Variants in KCNAB1 observed in about 807,000 individuals in gnomAD.
KCNAB1 encodes potassium voltage-gated channel subfamily A regulatory beta subunit 1.
Under a neutral mutation model 64.6 loss-of-function variants are expected in KCNAB1, and 35 were observed. The observed-to-expected ratio is 0.54, with a 90% CI of 0.41 to 0.72. The LOEUF (loss-of-function observed/expected upper bound fraction) is 0.72, where lower values mean the gene tolerates loss of function less well. KCNAB1 is among the 30% of genes least tolerant of loss of function. The pLI, the probability that KCNAB1 is intolerant of heterozygous loss-of-function variation, is 0.00. For synonymous variants in KCNAB1, 177 were observed against 183.8 expected (o/e 0.96, Z 0.30); for missense variants, 401 against 512.9 (o/e 0.78, Z 2.11).
At chr3:156,533,092 A>G (rs1718814455) in intron 13 of KCNAB1, among the ~76,000 whole-genome samples, 2 of 152,230 alleles carry the variant, frequency 1.3e-5, no homozygotes, top group African/African-American at 4.8e-5. Context: ...GAAGAAAAAC[A>G]CTGTCTAACC....
intron 8 of KCNAB1, among the ~76,000 whole-genome samples, chr3:156,503,504 A>G (rs1052094018): frequency 6.6e-6 from 1 of 152,188 alleles, no homozygotes; most frequent in African/African-American, 2.4e-5. Context: ...CCTTGTAGGG[A>G]GAGTTGTACA....
chr3:156,238,673 C>T (rs1716996165), intron 1 of KCNAB1, among the ~76,000 whole-genome samples: 1 of 152,020 alleles, frequency 6.6e-6, no homozygotes, highest in Non-Finnish European at 1.5e-5. Context: ...TTTGTAATTT[C>T]TTACCAGTTT....
intron 1 of KCNAB1, among the ~76,000 whole-genome samples, chr3:156,128,156 T>G (rs556076260): frequency 4.5e-4 from 68 of 152,350 alleles, no homozygotes; most frequent in African/African-American, 1.6e-3. Flanking sequence ...AATCCCATTT[T>G]GCAGTATGGT....
chr3:156,135,038 C>A (rs367569434), intron 1 of KCNAB1, among the ~76,000 whole-genome samples: 1 of 151,726 alleles, frequency 6.6e-6, no homozygotes, highest in African/African-American at 2.4e-5. Context: ...ACTCTGCTGC[C>A]CAGGCTGGAG....
At chr3:156,269,007 C>G (rs569211671) in intron 1 of KCNAB1, among the ~76,000 whole-genome samples, 7 of 152,256 alleles carry the variant, frequency 4.6e-5, no homozygotes, top group African/African-American at 1.7e-4. Context: ...AGATTTAAGT[C>G]TTTAATCCAT....
chr3:156,290,407 C>T (rs1020460550), intron 1 of KCNAB1, among the ~76,000 whole-genome samples: 1 of 152,172 alleles, frequency 6.6e-6, no homozygotes, highest in African/African-American at 2.4e-5. Flanking sequence ...GCTGATTTTG[C>T]AGAAGCCATA....
chr3:156,152,890 C>T (rs181389324), intron 1 of KCNAB1, among the ~76,000 whole-genome samples: 2 of 152,328 alleles, frequency 1.3e-5, no homozygotes, highest in Admixed American at 1.3e-4. Context: ...GGTTAACTCT[C>T]GTTGTAACTT....
intron 1 of KCNAB1, among the ~76,000 whole-genome samples, chr3:156,216,686 C>A (rs984876054): frequency 2.0e-5 from 3 of 152,216 alleles, no homozygotes; most frequent in African/African-American, 7.2e-5. Context: ...GTAGTCCCTA[C>A]TTAGTGCCAG....
intron 1 of KCNAB1, among the ~76,000 whole-genome samples, chr3:156,284,839 C>T (rs138232963): frequency 0.034 from 5,162 of 152,296 alleles, 126 homozygotes; most frequent in Non-Finnish European, 0.048. Context: ...GCACGATGCG[C>T]GCACCCACTG....
intron 6 of KCNAB1, among the ~76,000 whole-genome samples, chr3:156,465,128 C>G (rs879061980): frequency 6.6e-6 from 1 of 152,140 alleles, no homozygotes; most frequent in Admixed American, 6.5e-5. Context: ...GATTAAGGGT[C>G]TGTCTTCTGG....
chr3:156,130,965 C>A (rs746919373), intron 1 of KCNAB1, among the ~76,000 whole-genome samples: 3 of 152,244 alleles, frequency 2.0e-5, no homozygotes, highest in Admixed American at 6.5e-5. Flanking sequence ...TGTGTAAGTG[C>A]AGAGGCCTGA....
At chr3:156,472,927 G>A (rs1714037671) in intron 7 of KCNAB1, among the ~76,000 whole-genome samples, 1 of 152,164 alleles carries the variant, frequency 6.6e-6, no homozygotes. Flanking sequence ...ATCACACAGT[G>A]CTGTAACAGT....
At chr3:156,278,757 C>G (rs1576670669) in intron 1 of KCNAB1, among the ~76,000 whole-genome samples, 1 of 151,914 alleles carries the variant, frequency 6.6e-6, no homozygotes, top group African/African-American at 2.4e-5. Context: ...TCAAAACTCG[C>G]AGAGTCGGTG....
At chr3:156,428,128 G>A (rs563030273) in intron 2 of KCNAB1, among the ~76,000 whole-genome samples, 5 of 152,274 alleles carry the variant, frequency 3.3e-5, no homozygotes, top group African/African-American at 9.6e-5. Flanking sequence ...TATTTTGGGT[G>A]CACCTACGAG....
At chr3:156,450,551 C>T (rs1038939542) in intron 2 of KCNAB1, among the ~76,000 whole-genome samples, 15 of 152,318 alleles carry the variant, frequency 9.8e-5, no homozygotes, top group African/African-American at 3.6e-4. Flanking sequence ...CTAACATTTA[C>T]AAATGCCTGT....
At chr3:156,246,524 A>T (rs1323827424) in intron 1 of KCNAB1, among the ~76,000 whole-genome samples, 1 of 150,942 alleles carries the variant, frequency 6.6e-6, no homozygotes, top group Non-Finnish European at 1.5e-5. Flanking sequence ...AATAGCTTGA[A>T]CCCGAGAGGC....
chr3:156,360,222 G>A (rs1370755466), intron 1 of KCNAB1, among the ~76,000 whole-genome samples: 5 of 152,262 alleles, frequency 3.3e-5, no homozygotes, highest in East Asian at 3.9e-4. Context: ...TCGAGCCTGA[G>A]TTTCTCCCAG....
intron 1 of KCNAB1, among the ~76,000 whole-genome samples, chr3:156,410,377 G>T (rs1714565951): frequency 2.6e-5 from 4 of 152,138 alleles, no homozygotes; most frequent in Non-Finnish European, 5.9e-5. Flanking sequence ...TATTTGTCAG[G>T]TCCTTTGCCC....
chr3:156,238,508 T>C (rs1716988799), intron 1 of KCNAB1, among the ~76,000 whole-genome samples: 1 of 148,704 alleles, frequency 6.7e-6, no homozygotes. Flanking sequence ...AAATGGCAAA[T>C]AGCAAAACCT....
Sources: gnomAD v4.1 joint callset for allele counts (sites outside exome capture counted in the v4.1 genomes callset) on GRCh38, gnomAD v4.1.1 for gene constraint, MANE v1.5 for transcripts, NCBI Gene and HGNC (gene_info 2026-07-23, HGNC 2026-07-21) for gene names.